The following OLFM1 variants were observed in gnomAD, a reference collection of about 807,000 sequenced individuals.
The protein encoded by OLFM1 is noelin.
A neutral mutation model predicts 49.7 loss-of-function variants in OLFM1; 9 were observed. That is an observed-to-expected ratio of 0.18 (90% CI 0.11 to 0.32). OLFM1 has a LOEUF of 0.32. Among genes scored for constraint, OLFM1 ranks in the 10% least tolerant of loss-of-function variants. The pLI is 1.00. For synonymous variants in OLFM1, 240 were observed against 271.8 expected (o/e 0.88, Z 1.15); for missense variants, 369 against 661.8 (o/e 0.56, Z 4.85).
chr9:135,079,215 G>A (rs1830503637), intron 1 of OLFM1, among the ~76,000 whole-genome samples: 1 of 152,216 alleles, frequency 6.6e-6, no homozygotes, highest in Non-Finnish European at 1.5e-5. Flanking sequence ...GCTCTGGGTA[G>A]GAGTTGGGGA....
At chr9:135,081,911 C>T (rs1270268856) in intron 1 of OLFM1, among the ~76,000 whole-genome samples, 2 of 152,204 alleles carry the variant, frequency 1.3e-5, no homozygotes, top group East Asian at 1.9e-4. Flanking sequence ...GCATGCTTTG[C>T]ACAAGGTGGC....
chr9:135,091,852 T>C (rs1176518842), intron 2 of OLFM1, among the ~76,000 whole-genome samples: 242 of 53,554 alleles, frequency 4.5e-3, no homozygotes, highest in Middle Eastern at 0.015. Context: ...CACTCACACA[T>C]AGTCACACAC....
At chr9:135,081,656 G>A (rs1387685489) in intron 1 of OLFM1, among the ~76,000 whole-genome samples, 1 of 152,212 alleles carries the variant, frequency 6.6e-6, no homozygotes, top group African/African-American at 2.4e-5. Flanking sequence ...GTCTCAGCAT[G>A]TGCATGACAA....
At chr9:135,097,080 C>T (rs1028415668) in intron 3 of OLFM1, among the ~76,000 whole-genome samples, 4 of 152,152 alleles carry the variant, frequency 2.6e-5, no homozygotes, top group African/African-American at 4.8e-5. Context: ...CAGCCTCGCC[C>T]GACTAGAAAC....
At chr9:135,077,094 GCCT>G (rs1165104416) in intron 1 of OLFM1, 22 of 1,550,388 alleles carry the variant, frequency 1.4e-5, no homozygotes, top group Admixed American at 3.9e-5. Flanking sequence ...CCCCAGGAAG[GCCT>G]GGTGGAGGGT....
At chr9:135,090,374 A>ATGTGTGTGTGTGAGTTTGTATGTG (rs562156991) in intron 2 of OLFM1, 30 bp downstream of exon 2, 6 of 1,355,596 alleles carry the variant, frequency 4.4e-6, no homozygotes, top group African/African-American at 1.5e-5. Context: ...GTGAGTTTGT[A>ATGTGTGTGTGTGAGTTTGTATGTG]TGTGTGTGTG....
In OLFM1 at chr9:135,096,038, CT is replaced by C. The variant is rs1564272959; in HGVS notation, c.456+20del. 5.3e-6 allele frequency: 7 copies of C among 1,331,144 alleles called. No individual in the cohort carries two copies. The highest frequency in any genetic ancestry group is 2.4e-5 in the Admixed American group (1 of 41,172). The allele number at this position is 1,331,144 out of a possible 1,614,324, so 82.5% of individuals were successfully genotyped here. A position where few individuals can be genotyped will look rare whatever the true frequency, so the allele number is the denominator to read the frequency against. On this transcript the variant is annotated intron_variant, in intron 3 of 5. Transcript: ENST00000371793. ...GTTTAAGGTATGCATGTTCCTCCCCCTCTCCCTCCCCTTATCCTCCTCCTCC... is the reference window on the plus strand; with the variant it reads ...GTTTAAGGTATGCATGTTCCTCCCCCCTCCCTCCCCTTATCCTCCTCCTCC...
exon 1 of OLFM1, chr9:135,075,617 C>A: frequency 1.1e-6 from 1 of 875,094 alleles, no homozygotes; most frequent in East Asian, 3.4e-5. Context: ...ACGAGCCAGG[C>A]GCCGCCGCCG....
intron 1 of OLFM1, 128 bp from the exon 2 acceptor site, chr9:135,090,067 A>G: frequency 2.3e-6 from 2 of 873,284 alleles, no homozygotes; most frequent in Non-Finnish European, 1.7e-6. Context: ...ATGTCTTGGG[A>G]CCATTTCCTC....
upstream of OLFM1, chr9:135,087,501 C>G (rs928443675): frequency 9.7e-6 from 14 of 1,435,966 alleles, no homozygotes; most frequent in Non-Finnish European, 1.2e-5. Context: ...CTGATCCCAA[C>G]TCCTGGGCGG....
chr9:135,095,352 A>C (rs1443378785), intron 2 of OLFM1: 1 of 153,096 alleles, frequency 6.5e-6, no homozygotes, highest in Admixed American at 6.5e-5. Context: ...TTAAGTAATC[A>C]ACCTTATCAG....
chr9:135,104,559 G>A (rs1830913287), intron 4 of OLFM1, among the ~76,000 whole-genome samples: 2 of 152,124 alleles, frequency 1.3e-5, no homozygotes, highest in East Asian at 1.9e-4. Flanking sequence ...GCATGGGGCC[G>A]CCACTCCTCT....
At chr9:135,087,604 C>G (rs1051917856), upstream of OLFM1, 2 of 770,108 alleles carry the variant, frequency 2.6e-6, no homozygotes, top group African/African-American at 3.7e-5. Context: ...CGGATTGCGT[C>G]GGTCCCGCCC....
At chr9:135,078,488 A>G (rs991058535) in intron 1 of OLFM1, among the ~76,000 whole-genome samples, 1 of 152,242 alleles carries the variant, frequency 6.6e-6, no homozygotes, top group South Asian at 2.1e-4. Context: ...CACTCAATCA[A>G]ACACCAACCG....
At position 135,088,469 on chromosome 9, in the gene OLFM1, T is replaced by C. The variant is rs1027835720; in HGVS notation, c.150+330T>C. Among the ~76,000 whole-genome samples, 3 of 151,630 alleles carry C rather than the reference T, an allele frequency of 2.0e-5. No homozygotes were observed. The highest frequency in any genetic ancestry group is 4.4e-5 in the Non-Finnish European group (3 of 67,888). On this transcript the variant is annotated intron_variant, in intron 1 of 5. Transcript: ENST00000371793. The surrounding 1 kb of genome is among the most constrained non-coding windows in gnomAD (Gnocchi z 4.8). ...TGGGTCAGTAATCATGAGCCCCCCATTGAAAAGGTTAGGAAACTAAGGCTG... is the reference window on the plus strand; with the variant it reads ...TGGGTCAGTAATCATGAGCCCCCCACTGAAAAGGTTAGGAAACTAAGGCTG...
chr9:135,086,415 G>T (rs556926531), upstream of OLFM1: 10 of 360,910 alleles, frequency 2.8e-5, no homozygotes, highest in Non-Finnish European at 4.9e-5. Context: ...CGAGGACTGC[G>T]CACACAGAGA....
intron 5 of OLFM1, among the ~76,000 whole-genome samples, chr9:135,108,570 T>C (rs546934735): frequency 7.2e-5 from 11 of 151,866 alleles, no homozygotes; most frequent in African/African-American, 2.7e-4. Flanking sequence ...GAGGCAGAGG[T>C]TGCAGTGAGC....
At chr9:135,101,662 C>T (rs1178229106) in intron 4 of OLFM1, among the ~76,000 whole-genome samples, 1 of 152,240 alleles carries the variant, frequency 6.6e-6, no homozygotes, top group African/African-American at 2.4e-5. Context: ...AGAGTCAGTG[C>T]TGCCCCGTGC....
In OLFM1 at chr9:135,088,120, C is replaced by A. The variant is rs1437974589; in HGVS notation, c.131C>A (p.Thr44Lys). 1.4e-6 allele frequency: 2 copies of A among 1,397,328 alleles called. No individual in the cohort carries two copies. Among genetic ancestry groups the A allele is most frequent in the Non-Finnish European group, 1.9e-6 (2 of 1,058,122 alleles). The allele number at this position is 1,397,328 out of a possible 1,614,324, so 86.6% of individuals were successfully genotyped here. The change falls in exon 1 of 6, where the codon ACG (threonine) becomes AAG (lysine). Residue 44 changes from threonine to lysine, a missense_variant. By Grantham distance (78) the Thr-to-Lys change is moderately conservative. Transcript: ENST00000371793. This position sits in a 1 kb window ranked among gnomAD's most constrained non-coding sequence, Gnocchi z 4.8. ...AAGCTCTCGGCGGCCGGCGGCGGGA[C>A]GCTGGACCGCAGCACCGGCGTAAGT... The part of the protein sequence containing the change: ...TTKLSAAGGG[T>K]LDRSTGVLPT...
Sources: gnomAD v4.1 joint callset for allele counts (sites outside exome capture counted in the v4.1 genomes callset) on GRCh38, gnomAD v4.1.1 for gene constraint, Gnocchi (gnomAD v3.1) non-coding constraint, MANE v1.5 for transcripts, NCBI Gene and HGNC (gene_info 2026-07-23, HGNC 2026-07-21) for gene names.